BTRC: variants seen among roughly 807,000 people sequenced by gnomAD.
BTRC encodes F-box/WD repeat-containing protein 1A.
A neutral mutation model predicts 85.5 loss-of-function variants in BTRC; 42 were observed. The observed-to-expected ratio is 0.49, with a 90% CI of 0.38 to 0.64. The LOEUF is 0.64. Among genes scored for constraint, BTRC ranks in the 30% least tolerant of loss-of-function variants. BTRC has a pLI of 0.00. For missense variants in BTRC, 594 were observed against 743.5 expected, an observed-to-expected ratio of 0.80 and a Z score of 2.34; for synonymous variants, 255 against 263.3, an observed-to-expected ratio of 0.97 and a Z score of 0.30.
intron 4 of BTRC, among the ~76,000 whole-genome samples, chr10:101,489,382 A>G (rs1946071091): frequency 6.6e-6 from 1 of 152,042 alleles, no homozygotes; most frequent in African/African-American, 2.4e-5. Flanking sequence ...TGCATTCCTT[A>G]ATCTGAAAGA....
At position 101,495,775 on chromosome 10, in the gene BTRC, G is replaced by A. The variant is rs537449050; in HGVS notation, c.324+16318G>A. Among the ~76,000 whole-genome samples the A allele has an allele frequency of 2.3e-4, 34 of 150,616 alleles. 2 individuals carry two copies. The South Asian group carries it at 6.9e-3, about 30-fold the overall frequency. On this transcript the variant is annotated intron_variant, in intron 4 of 14. Transcript: ENST00000370187. The stretch of plus-strand genomic sequence containing the variant: ...CAATCATAGTGAATTTTCACGAAGT[G>A]AACATACCTGTGTGATTACCATCAG...
intron 1 of BTRC, among the ~76,000 whole-genome samples, chr10:101,358,338 C>T (rs1301440926): frequency 2.0e-5 from 3 of 152,062 alleles, no homozygotes; most frequent in Admixed American, 2.0e-4. Context: ...CTCCTGGGCT[C>T]AAGGGGTCCT....
At chr10:101,383,396 TTAA>T (rs1942987410) in intron 1 of BTRC, among the ~76,000 whole-genome samples, 2 of 149,896 alleles carry the variant, frequency 1.3e-5, no homozygotes. Context: ...GTCTTCCTTT[TTAA>T]AAAAAAAAAA....
intron 13 of BTRC, among the ~76,000 whole-genome samples, chr10:101,545,532 T>C (rs1190011559): frequency 1.3e-5 from 2 of 152,162 alleles, no homozygotes; most frequent in East Asian, 3.9e-4. Flanking sequence ...AATGAAGTCA[T>C]TGGAGTAGGC....
At chr10:101,441,506 A>C (rs7909404) in intron 2 of BTRC, among the ~76,000 whole-genome samples, 18,600 of 152,212 alleles carry the variant, frequency 0.12, 1,566 homozygotes, top group East Asian at 0.5. Flanking sequence ...GGAGTCATCT[A>C]ATCTCTCCCT....
Position 101,522,014 on chromosome 10 carries a change from C to CTTTT in BTRC, c.556+177_556+180dup, listed in dbSNP as rs1194237945. 4.3e-4 allele frequency: 29 copies of CTTTT among 67,898 alleles called. 6 individuals carry two copies. The highest frequency in any genetic ancestry group is 1.8e-3 in the African/African-American group (12 of 6,834). 4.2% of individuals were successfully genotyped at this position (67,898 alleles called of 1,614,324 possible). ...TTAACTGTACCTTTTTGATATAAAG[C>CTTTT]TTTTTTTTTTTTTTTTTTTTTTTTT... On this transcript the variant is annotated intron_variant, in intron 5 of 14. Coordinates refer to ENST00000370187, the MANE Select transcript of BTRC (RefSeq NM_033637.4).
intron 2 of BTRC, among the ~76,000 whole-genome samples, chr10:101,452,783 C>CT (rs1944983515): frequency 6.6e-6 from 1 of 152,050 alleles, no homozygotes. Flanking sequence ...ATAGGGAGGC[C>CT]TTGATGTGGT....
At chr10:101,418,284 C>T (rs1216715302) in intron 1 of BTRC, among the ~76,000 whole-genome samples, 1 of 152,006 alleles carries the variant, frequency 6.6e-6, no homozygotes, top group Non-Finnish European at 1.5e-5. Context: ...AGGAGAATCG[C>T]TTGAACCTGA....
intron 1 of BTRC, among the ~76,000 whole-genome samples, chr10:101,359,621 A>ATTTT (rs1942144192): frequency 1.2e-5 from 1 of 82,636 alleles, no homozygotes. Flanking sequence ...TTTTTTTGAG[A>ATTTT]TGGAGTTTTG....
At chr10:101,476,699 C>T (rs987850099) in intron 3 of BTRC, among the ~76,000 whole-genome samples, 4 of 152,026 alleles carry the variant, frequency 2.6e-5, no homozygotes, top group African/African-American at 9.7e-5. Flanking sequence ...CTGCCTCTAC[C>T]TCCCAAAGTG....
chr10:101,510,304 C>A (rs1013035435), intron 4 of BTRC, among the ~76,000 whole-genome samples: 1 of 151,858 alleles, frequency 6.6e-6, no homozygotes, highest in Admixed American at 6.6e-5. Context: ...GTCAGGAGAT[C>A]GAGACCATCC....
At chr10:101,409,231 A>G (rs1020795694) in intron 1 of BTRC, among the ~76,000 whole-genome samples, 1 of 152,208 alleles carries the variant, frequency 6.6e-6, no homozygotes, top group South Asian at 2.1e-4. Context: ...GTTTCTTTCT[A>G]TTCCCTTCCT....
chr10:101,496,930 T>C (rs1200233742), intron 4 of BTRC, among the ~76,000 whole-genome samples: 5 of 152,230 alleles, frequency 3.3e-5, no homozygotes, highest in Non-Finnish European at 7.3e-5. Context: ...GAACAGAGGT[T>C]CTTAATTTAA....
intron 13 of BTRC, among the ~76,000 whole-genome samples, chr10:101,541,565 T>C (rs1589620241): frequency 6.6e-6 from 1 of 152,064 alleles, no homozygotes; most frequent in Admixed American, 6.5e-5. Flanking sequence ...CGGCCTAGGG[T>C]TTTTCATAGT....
chr10:101,505,175 A>AT (rs1320130900), intron 4 of BTRC, among the ~76,000 whole-genome samples: 8 of 141,204 alleles, frequency 5.7e-5, no homozygotes, highest in African/African-American at 2.1e-4. Context: ...ATATATATAT[A>AT]TATTTTTTAG....
chr10:101,466,588 T>C (rs764664989), intron 3 of BTRC, among the ~76,000 whole-genome samples: 6 of 152,194 alleles, frequency 3.9e-5, no homozygotes, highest in Non-Finnish European at 7.3e-5. Context: ...TCCATCCTCT[T>C]CAAGGATACT....
chr10:101,367,032 T>A (rs11593144), intron 1 of BTRC, among the ~76,000 whole-genome samples: 12,990 of 52,090 alleles, frequency 0.25, 2,688 homozygotes, highest in South Asian at 0.4. Flanking sequence ...ATTTATATAT[T>A]TATATATATA....
chr10:101,377,523 C>T (rs1262052336), intron 1 of BTRC, among the ~76,000 whole-genome samples: 1 of 152,198 alleles, frequency 6.6e-6, no homozygotes, highest in Non-Finnish European at 1.5e-5. Context: ...AGTTGATCTA[C>T]ATCCGTGTCA....
chr10:101,402,994 C>T (rs1320046315), intron 1 of BTRC, among the ~76,000 whole-genome samples: 1 of 152,090 alleles, frequency 6.6e-6, no homozygotes, highest in African/African-American at 2.4e-5. Flanking sequence ...GGTGGCTAAA[C>T]CTTTAAATCT....
Sources: gnomAD v4.1 joint callset for allele counts (sites outside exome capture counted in the v4.1 genomes callset) on GRCh38, gnomAD v4.1.1 for gene constraint, MANE v1.5 for transcripts, NCBI Gene and HGNC (gene_info 2026-07-23, HGNC 2026-07-21) for gene names.